MARCHF1: variants seen among roughly 807,000 people sequenced by gnomAD.
MARCHF1 encodes E3 ubiquitin-protein ligase MARCHF1.
Under a neutral mutation model 54.2 loss-of-function variants are expected in MARCHF1, and 40 were observed. The ratio of observed to expected loss-of-function variants is 0.74; its 90% CI spans 0.57 to 0.96. MARCHF1 has a LOEUF of 0.96. MARCHF1 is among the 40% of genes least tolerant of loss of function. MARCHF1 has a pLI of 0.00. For missense variants in MARCHF1, 586 were observed against 656.5 expected, an observed-to-expected ratio of 0.89 and a Z score of 1.17; for synonymous variants, 236 against 236.3, an observed-to-expected ratio of 1.00 and a Z score of 0.01.
chr4:163,802,828 C>A (rs1748118877), intron 4 of MARCHF1, among the ~76,000 whole-genome samples: 1 of 152,288 alleles, frequency 6.6e-6, no homozygotes, highest in South Asian at 2.1e-4. Flanking sequence ...GTCAAGGTAT[C>A]TAGGTGCTTT....
chr4:164,377,859 C>T (rs1731242048), intron 1 of MARCHF1, among the ~76,000 whole-genome samples: 1 of 152,172 alleles, frequency 6.6e-6, no homozygotes, highest in African/African-American at 2.4e-5. Context: ...TATACCACTT[C>T]TAAAAATACG....
At chr4:164,108,244 C>A (rs1474934749) in intron 2 of MARCHF1, among the ~76,000 whole-genome samples, 2 of 152,060 alleles carry the variant, frequency 1.3e-5, no homozygotes, top group Non-Finnish European at 2.9e-5. Flanking sequence ...GATTTCAATA[C>A]CTTTAAAGCA....
intron 2 of MARCHF1, among the ~76,000 whole-genome samples, chr4:164,007,683 T>C (rs1251770569): frequency 6.6e-6 from 1 of 151,216 alleles, no homozygotes; most frequent in Non-Finnish European, 1.5e-5. Flanking sequence ...TGTGTGTGTG[T>C]GTGTGTTTGC....
intron 1 of MARCHF1, among the ~76,000 whole-genome samples, chr4:164,371,982 T>C (rs559659612): frequency 6.6e-6 from 1 of 152,232 alleles, no homozygotes; most frequent in Non-Finnish European, 1.5e-5. Flanking sequence ...TCCTGCAGGC[T>C]GTGCCAGGAG....
At chr4:164,059,206 G>A (rs1166982195) in intron 2 of MARCHF1, among the ~76,000 whole-genome samples, 2 of 152,178 alleles carry the variant, frequency 1.3e-5, no homozygotes, top group African/African-American at 4.8e-5. Context: ...TGATTCCGGA[G>A]TAAATGATGT....
intron 4 of MARCHF1, among the ~76,000 whole-genome samples, chr4:163,766,689 G>A (rs1233409104): frequency 1.3e-5 from 2 of 152,010 alleles, no homozygotes; most frequent in South Asian, 2.1e-4. Flanking sequence ...AACACAACAC[G>A]AAATAAACTA....
intron 4 of MARCHF1, among the ~76,000 whole-genome samples, chr4:163,708,919 A>G (rs1442770963): frequency 6.6e-6 from 1 of 152,156 alleles, no homozygotes; most frequent in African/African-American, 2.4e-5. Context: ...AGAAATTATA[A>G]TGCAAATATG....
chr4:164,011,336 G>A (rs560791046), intron 2 of MARCHF1, among the ~76,000 whole-genome samples: 7 of 152,176 alleles, frequency 4.6e-5, no homozygotes, highest in East Asian at 1.9e-4. Context: ...GAGACAACCC[G>A]CAGATGTTAA....
intron 3 of MARCHF1, among the ~76,000 whole-genome samples, chr4:163,935,702 C>CTTTTTTTTTTTTTTT (rs34331599): frequency 1.6e-5 from 2 of 125,722 alleles, no homozygotes; most frequent in Non-Finnish European, 3.4e-5. Flanking sequence ...TGCTTGCTTT[C>CTTTTTTTTTTTTTTT]TTTTTTTTTT....
At chr4:164,283,725 C>T (rs1734080390) in intron 1 of MARCHF1, among the ~76,000 whole-genome samples, 1 of 150,622 alleles carries the variant, frequency 6.6e-6, no homozygotes, top group African/African-American at 2.4e-5. Context: ...CCAAAATTAC[C>T]AACAGAGTCA....
At chr4:163,854,604 G>A (rs909492349) in intron 3 of MARCHF1, among the ~76,000 whole-genome samples, 2 of 152,004 alleles carry the variant, frequency 1.3e-5, no homozygotes, top group Non-Finnish European at 2.9e-5. Context: ...CGAATAAATC[G>A]AATACAGGCC....
intron 2 of MARCHF1, among the ~76,000 whole-genome samples, chr4:164,006,946 T>A (rs1415294098): frequency 2.6e-5 from 3 of 115,964 alleles, no homozygotes; most frequent in Admixed American, 1.2e-4. Flanking sequence ...TTCACCACCA[T>A]CATTCCCATC....
chr4:164,054,650 T>C (rs1429836121), intron 2 of MARCHF1, among the ~76,000 whole-genome samples: 1 of 151,146 alleles, frequency 6.6e-6, no homozygotes, highest in Non-Finnish European at 1.5e-5. Flanking sequence ...AAATTGGAAA[T>C]CATCATTCTC....
intron 1 of MARCHF1, among the ~76,000 whole-genome samples, chr4:164,319,640 G>A (rs572079242): frequency 6.6e-6 from 1 of 152,240 alleles, no homozygotes; most frequent in South Asian, 2.1e-4. Flanking sequence ...TCTCATGTTT[G>A]AAAGAATTAC....
intron 2 of MARCHF1, among the ~76,000 whole-genome samples, chr4:164,051,957 T>G (rs1754378131): frequency 6.6e-6 from 1 of 152,202 alleles, no homozygotes; most frequent in Non-Finnish European, 1.5e-5. Flanking sequence ...CTACCTAAAA[T>G]GAATGTTGCT....
chr4:164,258,861 C>T (rs1186008222), intron 1 of MARCHF1, among the ~76,000 whole-genome samples: 1 of 152,030 alleles, frequency 6.6e-6, no homozygotes, highest in African/African-American at 2.4e-5. Context: ...AAAACAATGA[C>T]ATGTCAGAAT....
chr4:164,199,942 A>G (rs541255853), intron 1 of MARCHF1, among the ~76,000 whole-genome samples: 2 of 152,290 alleles, frequency 1.3e-5, no homozygotes, highest in African/African-American at 4.8e-5. Flanking sequence ...GGAAGTTCCC[A>G]GGAAGGCAGG....
intron 1 of MARCHF1, among the ~76,000 whole-genome samples, chr4:164,233,854 C>T (rs1193125199): frequency 6.6e-6 from 1 of 152,028 alleles, no homozygotes; most frequent in Non-Finnish European, 1.5e-5. Context: ...CCATCACTAC[C>T]AAGAAAGAAA....
chr4:164,076,177 A>C (rs1754976307), intron 2 of MARCHF1, among the ~76,000 whole-genome samples: 1 of 152,028 alleles, frequency 6.6e-6, no homozygotes, highest in Non-Finnish European at 1.5e-5. Context: ...AACAACAAGT[A>C]GCCCATAAGA....
Sources: gnomAD v4.1 joint callset for allele counts (sites outside exome capture counted in the v4.1 genomes callset) on GRCh38, gnomAD v4.1.1 for gene constraint, MANE v1.5 for transcripts, NCBI Gene and HGNC (gene_info 2026-07-23, HGNC 2026-07-21) for gene names.